Variants in CHMP6 observed in about 807,000 individuals in gnomAD.
CHMP6 encodes the protein chromatin-modifying protein 6.
Under a neutral mutation model 32.8 loss-of-function variants are expected in CHMP6, and 10 were observed. The ratio of observed to expected loss-of-function variants is 0.30; its 90% CI spans 0.19 to 0.52. The LOEUF is 0.52. Ranked by LOEUF, CHMP6 falls within the 20% of genes least tolerant of loss-of-function variation. The pLI is 0.97. For missense variants in CHMP6, 269 were observed against 263.8 expected (o/e 1.02, Z -0.14); for synonymous variants, 123 against 105.8 (o/e 1.16, Z -1.00).
intron 6 of CHMP6, among the ~76,000 whole-genome samples, chr17:80,997,562 G>C (rs1029595201): frequency 6.6e-6 from 1 of 152,100 alleles, no homozygotes; most frequent in African/African-American, 2.4e-5. Context: ...TGGACAGAGC[G>C]GGGGTGCTGG....
chr17:80,995,866 A>C, intron 4 of CHMP6, 108 bp downstream of exon 4: 2 of 963,650 alleles, frequency 2.1e-6, no homozygotes, highest in East Asian at 5.0e-5. Flanking sequence ...GACACAGGGC[A>C]AGAGGCTGGC....
At chr17:80,998,131 C>G (rs529029546) in intron 6 of CHMP6, among the ~76,000 whole-genome samples, 1 of 152,320 alleles carries the variant, frequency 6.6e-6, no homozygotes, top group South Asian at 2.1e-4. Flanking sequence ...CTCAGCGCCC[C>G]AGGGTCTGTT....
rs545758125 is a variant in CHMP6, at chr17:80,995,020, C to T, written c.175C>T (p.Arg59Trp). ...RQLLRDGRKE[R>W]AKLLLKKKRY... ...TCACTCTCGGGCTTCCCTCTGCAGACGGGCCAAGCTGCTGCTCAAGAAGAA... is the reference window on the plus strand; with the variant it reads ...TCACTCTCGGGCTTCCCTCTGCAGATGGGCCAAGCTGCTGCTCAAGAAGAA... The change falls in exon 3 of 8, where the codon CGG (arginine) becomes TGG (tryptophan). Residue 59 changes from arginine to tryptophan, a missense_variant and splice_region_variant. Physicochemically the swap from Arg to Trp is moderately radical, Grantham distance 101 (BLOSUM62 -3). Transcript: ENST00000325167. The T allele has an allele frequency of 2.0e-5, 32 of 1,591,860 alleles. No homozygotes were observed. Among genetic ancestry groups the T allele is most frequent in the East Asian group, 1.6e-4 (7 of 44,046 alleles).
intron 1 of CHMP6, among the ~76,000 whole-genome samples, chr17:80,993,440 G>A (rs1719092470): frequency 6.6e-6 from 1 of 152,166 alleles, no homozygotes; most frequent in Non-Finnish European, 1.5e-5. Context: ...GCAACGAGAG[G>A]ACCCACAGGC....
At chr17:80,992,832 G>C (rs1015835084) in intron 1 of CHMP6, among the ~76,000 whole-genome samples, 12 of 152,250 alleles carry the variant, frequency 7.9e-5, no homozygotes, top group African/African-American at 2.7e-4. Context: ...AGCAGGGCTA[G>C]CTTTTTCGGA....
rs542132370 is a variant in CHMP6 at position 80,999,479 on chromosome 17, C to T, written c.*326C>T. Reference sequence around the variant, plus strand: ...CTGTTCCCCTGCAGTCCCAGCCCCGCGTGGCTCGCGCTCGTCTGTGAGGAA... The same window carrying T: ...CTGTTCCCCTGCAGTCCCAGCCCCGTGTGGCTCGCGCTCGTCTGTGAGGAA... On this transcript the variant is annotated 3_prime_UTR_variant, in exon 8 of 8. Coordinates refer to ENST00000325167, the MANE Select transcript of CHMP6 (RefSeq NM_024591.5). 5 of 328,014 alleles carry T rather than the reference C, an allele frequency of 1.5e-5. No individual in the cohort carries two copies. The highest frequency in any genetic ancestry group is 1.4e-4 in the East Asian group (2 of 14,494). The allele number at this position is 328,014 out of a possible 1,614,324, so 20.3% of individuals were successfully genotyped here.
intron 1 of CHMP6, among the ~76,000 whole-genome samples, chr17:80,992,241 G>C (rs992452571): frequency 6.6e-6 from 1 of 151,726 alleles, no homozygotes; most frequent in South Asian, 2.1e-4. Context: ...GAGCCCCGCC[G>C]GGGTGGGCGC....
At chr17:80,998,988 G>T (rs1261533778) in intron 7 of CHMP6, 110 bp from the exon 8 acceptor site, 4 of 1,282,192 alleles carry the variant, frequency 3.1e-6, no homozygotes, top group Middle Eastern at 1.9e-4. Context: ...CCCTTCCCTA[G>T]TGCGAAGTCC....
At chr17:80,998,991 C>T (rs1598440749) in intron 7 of CHMP6, 107 bp from the exon 8 acceptor site, 3 of 1,317,384 alleles carry the variant, frequency 2.3e-6, no homozygotes, top group Non-Finnish European at 1.1e-6. Flanking sequence ...TTCCCTAGTG[C>T]GAAGTCCCCG....
At chr17:80,998,114 A>G (rs1334909989) in intron 6 of CHMP6, among the ~76,000 whole-genome samples, 1 of 152,108 alleles carries the variant, frequency 6.6e-6, no homozygotes, top group East Asian at 1.9e-4. Flanking sequence ...TCGCCTCCTT[A>G]CAGCCCCTCA....
intron 7 of CHMP6, chr17:80,998,671 G>A: frequency 7.1e-7 from 1 of 1,401,630 alleles, no homozygotes; most frequent in Non-Finnish European, 9.3e-7. Flanking sequence ...ATCAGAACTG[G>A]GGAAAGGCTT....
intron 4 of CHMP6, among the ~76,000 whole-genome samples, chr17:80,996,312 T>C (rs2069636919): frequency 6.9e-6 from 1 of 144,242 alleles, no homozygotes; most frequent in Non-Finnish European, 1.5e-5. Context: ...AGAGCAAAAC[T>C]CCGTCTCAGG....
At chr17:80,995,128 C>A in intron 3 of CHMP6, 22 bp downstream of exon 3, 1 of 1,584,902 alleles carries the variant, frequency 6.3e-7, no homozygotes, top group Admixed American at 1.9e-5. Context: ...GGTGCTTCGC[C>A]CTGGAGTGCA....
In CHMP6 at chr17:80,998,394, C is replaced by T. The variant is rs769881954; in HGVS notation, c.524C>T (p.Ser175Phe). ...CAAATAGAGCTGCCAGAGGTTCCCT[C>T]CGAGCCCCTTCCTGAGAAGATCCCA... ...QEQIELPEVP[S>F]EPLPEKIPEN... is the part of the protein sequence containing the mutation. Residue 175 changes from serine to phenylalanine, a missense_variant, in exon 7 of 8, where the codon TCC (serine) becomes TTC (phenylalanine). Physicochemically the swap from Ser to Phe is radical, Grantham distance 155. Coordinates refer to ENST00000325167, the MANE Select transcript of CHMP6 (RefSeq NM_024591.5). 4 of 1,614,232 alleles carry T rather than the reference C, an allele frequency of 2.5e-6. No individual in the cohort carries two copies. Among genetic ancestry groups the T allele is most frequent in the Non-Finnish European group, 3.4e-6 (4 of 1,180,032 alleles).
intron 1 of CHMP6, among the ~76,000 whole-genome samples, chr17:80,994,044 C>T (rs1485727398): frequency 6.6e-6 from 1 of 152,230 alleles, no homozygotes; most frequent in Admixed American, 6.5e-5. Flanking sequence ...TCCCAGGTAG[C>T]TGGGACTACA....
chr17:80,995,242 G>C, intron 3 of CHMP6, 136 bp downstream of exon 3: 1 of 822,156 alleles, frequency 1.2e-6, no homozygotes, highest in Non-Finnish European at 1.9e-6. Flanking sequence ...GACCTGAAGA[G>C]GGGCGGGCCT....
chr17:80,992,931 T>C (rs2069605635), intron 1 of CHMP6, among the ~76,000 whole-genome samples: 1 of 152,230 alleles, frequency 6.6e-6, no homozygotes, highest in South Asian at 2.1e-4. Context: ...GAATCTTACG[T>C]TGGCATCTGA....
Position 80,991,890 on chromosome 17 carries a change from T to A in CHMP6, c.-29T>A. Reference sequence around the variant, plus strand: ...GGGCGGCGGTGGCGATTGGACTTGGTGGGTCCCGGGCCAGGGGCGGGCGCC... The same window carrying A: ...GGGCGGCGGTGGCGATTGGACTTGGAGGGTCCCGGGCCAGGGGCGGGCGCC... On this transcript the variant is annotated 5_prime_UTR_variant, in exon 1 of 8. Coordinates refer to ENST00000325167, the MANE Select transcript of CHMP6 (RefSeq NM_024591.5). 7.1e-7 allele frequency: 1 copy of A among 1,408,108 alleles called. No homozygotes were observed. Among genetic ancestry groups the A allele is most frequent in the Non-Finnish European group, 9.4e-7 (1 of 1,069,080 alleles). The allele number at this position is 1,408,108 out of a possible 1,614,324, so 87.2% of individuals were successfully genotyped here.
intron 6 of CHMP6, 96 bp from the exon 7 acceptor site, chr17:80,998,270 C>A: frequency 1.4e-6 from 2 of 1,389,098 alleles, no homozygotes; most frequent in Non-Finnish European, 2.0e-6. Flanking sequence ...CGGCTGAGAG[C>A]GGCTGACGGA....
Sources: allele counts gnomAD v4.1 joint callset (sites outside exome capture counted in the v4.1 genomes callset), GRCh38; gene constraint gnomAD v4.1.1; transcripts MANE v1.5; gene names NCBI Gene and HGNC (gene_info 2026-07-23, HGNC 2026-07-21).